AUH: variants seen among roughly 807,000 people sequenced by gnomAD.
AUH encodes methylglutaconyl-CoA hydratase, mitochondrial.
In AUH, 29 loss-of-function variants were observed where a neutral mutation model predicts 42.3. That is an observed-to-expected ratio of 0.69 (90% CI 0.51 to 0.93). The LOEUF (loss-of-function observed/expected upper bound fraction) is 0.93. Ranked by LOEUF, AUH falls within the 40% of genes least tolerant of loss-of-function variation. AUH has a pLI of 0.00. For synonymous variants in AUH, 174 were observed against 166.4 expected (o/e 1.05, Z -0.35); for missense variants, 452 against 438.1 (o/e 1.03, Z -0.28).
intron 4 of AUH, among the ~76,000 whole-genome samples, chr9:91,309,908 A>G (rs1001823596): frequency 3.9e-5 from 6 of 151,924 alleles, no homozygotes; most frequent in Admixed American, 1.3e-4. Context: ...CAGCCTCTAA[A>G]TATCATAATG....
chr9:91,341,335 C>T (rs1346202544), intron 3 of AUH, among the ~76,000 whole-genome samples: 1 of 152,214 alleles, frequency 6.6e-6, no homozygotes, highest in Non-Finnish European at 1.5e-5. Context: ...CCAACAGAGG[C>T]AGCTGTGCTC....
At chr9:91,338,574 G>A (rs976169630) in intron 3 of AUH, among the ~76,000 whole-genome samples, 4 of 152,262 alleles carry the variant, frequency 2.6e-5, no homozygotes, top group Non-Finnish European at 4.4e-5. Context: ...GAGATTACAG[G>A]TGCCCACCAC....
At chr9:91,312,250 G>A (rs577988867) in intron 4 of AUH, among the ~76,000 whole-genome samples, 106 of 152,240 alleles carry the variant, frequency 7.0e-4, no homozygotes, top group African/African-American at 2.4e-3. Context: ...AATCACGGTT[G>A]CCAAAGAGAA....
intron 3 of AUH, among the ~76,000 whole-genome samples, chr9:91,348,979 A>G (rs536904167): frequency 2.0e-5 from 3 of 152,304 alleles, no homozygotes; most frequent in Admixed American, 6.5e-5. Context: ...AAACTAATAC[A>G]AACTTGTTAA....
chr9:91,259,516 T>C (rs1350477059), intron 6 of AUH, among the ~76,000 whole-genome samples: 1 of 152,122 alleles, frequency 6.6e-6, no homozygotes, highest in African/African-American at 2.4e-5. Context: ...ACTAGTTTCC[T>C]CTTTTAAGGT....
intron 6 of AUH, among the ~76,000 whole-genome samples, chr9:91,285,036 A>G (rs901504483): frequency 1.8e-4 from 28 of 152,212 alleles, no homozygotes; most frequent in African/African-American, 6.8e-4. Flanking sequence ...CACTATTCAC[A>G]ATAGCAAAGA....
At chr9:91,332,075 T>C (rs1830367835) in intron 3 of AUH, among the ~76,000 whole-genome samples, 2 of 152,250 alleles carry the variant, frequency 1.3e-5, no homozygotes, top group South Asian at 2.1e-4. Flanking sequence ...TAAGTTTAAG[T>C]AGTTTGAAAG....
intron 6 of AUH, among the ~76,000 whole-genome samples, chr9:91,291,175 CCTCTTT>C (rs1488537641): frequency 2.0e-5 from 3 of 152,196 alleles, no homozygotes; most frequent in Admixed American, 6.5e-5. Flanking sequence ...TCTGTGCCTT[CCTCTTT>C]CTTATAAGGA....
At chr9:91,215,006 G>A (rs144921201) in intron 9 of AUH, among the ~76,000 whole-genome samples, 44 of 152,260 alleles carry the variant, frequency 2.9e-4, no homozygotes, top group East Asian at 1.9e-3. Context: ...TTTCTAAGAC[G>A]TTTGTAATTC....
At chr9:91,225,735 T>C (rs894599459) in intron 6 of AUH, among the ~76,000 whole-genome samples, 11 of 131,044 alleles carry the variant, frequency 8.4e-5, no homozygotes, top group South Asian at 2.6e-4. Flanking sequence ...CAGAGTGTGA[T>C]TGTTCCCCTT....
At chr9:91,214,473 T>C (rs1826711092) in intron 9 of AUH, 48 bp from the exon 10 acceptor site, 8 of 1,477,868 alleles carry the variant, frequency 5.4e-6, no homozygotes, top group Non-Finnish European at 5.5e-6. Context: ...AAAACAACTG[T>C]AAAAGTTTAT....
chr9:91,249,292 CAAAAAAAAAAAAAAAAAAAAA>C (rs59102669), intron 6 of AUH, among the ~76,000 whole-genome samples: 2 of 32,504 alleles, frequency 6.2e-5, no homozygotes, highest in Admixed American at 1.0e-3. Context: ...GAACCTGTCT[CAAAAAAAAAAAAAAAAAAAAA>C]AAAAAAAAAA....
intron 1 of AUH, chr9:91,357,513 TC>T: frequency 4.2e-6 from 4 of 961,310 alleles, no homozygotes; most frequent in Non-Finnish European, 4.9e-6. Context: ...GGAACTAGAG[TC>T]TAGGAGGGAA....
At chr9:91,290,257 A>C (rs1361270058) in intron 6 of AUH, among the ~76,000 whole-genome samples, 1 of 152,168 alleles carries the variant, frequency 6.6e-6, no homozygotes, top group African/African-American at 2.4e-5. Flanking sequence ...CTCTACAAAA[A>C]GAGAAGAAAA....
Position 91,216,831 on chromosome 9 carries a change from C to A in AUH, c.894+446G>T, listed in dbSNP as rs979764432. Among the ~76,000 whole-genome samples the A allele has an allele frequency of 1.4e-3, 216 of 152,326 alleles. 1 individual carries two copies. The highest frequency in any genetic ancestry group is 4.8e-3 in the African/African-American group (198 of 41,578). The stretch of plus-strand genomic sequence containing the variant: ...GTACCCCCAGGACACACAATGGATT[C>A]ACCTTATACCTGCATTGCGTGTGCC... On this transcript the variant is annotated intron_variant, in intron 8 of 9. Transcript: ENST00000375731.
rs915217147 is a variant in AUH, at chr9:91,227,787, C to A, written c.656-6795G>T. ...AGCATTGTTGAATTTTGTCAAAGGCCTTTTCTGCATCTATTGAGATAATCA... is the reference window on the plus strand; with the variant it reads ...AGCATTGTTGAATTTTGTCAAAGGCATTTTCTGCATCTATTGAGATAATCA... On this transcript the variant is annotated intron_variant, in intron 6 of 9. Transcript: ENST00000375731. 2.0e-3 allele frequency among the ~76,000 whole-genome samples: 309 copies of A among 152,234 alleles called. 3 individuals are homozygous for A. The highest frequency in any genetic ancestry group is 3.6e-3 in the Non-Finnish European group (243 of 68,024).
chr9:91,280,414 A>T (rs1293218744), intron 6 of AUH, among the ~76,000 whole-genome samples: 1 of 152,198 alleles, frequency 6.6e-6, no homozygotes, highest in Non-Finnish European at 1.5e-5. Context: ...AAAATGAATA[A>T]CCTGTTTTTT....
intron 6 of AUH, among the ~76,000 whole-genome samples, chr9:91,250,972 C>T (rs937949536): frequency 4.6e-5 from 7 of 152,146 alleles, no homozygotes; most frequent in East Asian, 3.9e-4. Flanking sequence ...AGAAACCACT[C>T]GTGGGTGGAG....
intron 6 of AUH, among the ~76,000 whole-genome samples, chr9:91,248,606 T>C (rs1216678517): frequency 6.6e-6 from 1 of 152,126 alleles, no homozygotes; most frequent in Non-Finnish European, 1.5e-5. Flanking sequence ...AGTACGTAAA[T>C]CTTAAGCTTA....
Sources: gnomAD v4.1 joint callset for allele counts (sites outside exome capture counted in the v4.1 genomes callset) on GRCh38, gnomAD v4.1.1 for gene constraint, MANE v1.5 for transcripts, NCBI Gene and HGNC (gene_info 2026-07-23, HGNC 2026-07-21) for gene names.